The following HCFC2 variants were observed in gnomAD, a reference collection of about 807,000 sequenced individuals.
HCFC2 encodes the protein host cell factor 2.
Under a neutral mutation model 89.2 loss-of-function variants are expected in HCFC2, and 18 were observed. That is an observed-to-expected ratio of 0.20 (90% confidence interval 0.14 to 0.30). HCFC2 has a LOEUF of 0.30. Ranked by LOEUF, HCFC2 falls within the 10% of genes least tolerant of loss-of-function variation. The pLI, the probability that HCFC2 is intolerant of heterozygous loss-of-function variation, is 1.00. For synonymous variants in HCFC2, 308 were observed against 335.7 expected, an observed-to-expected ratio of 0.92 and a Z score of 0.90; for missense variants, 578 against 956.1, an observed-to-expected ratio of 0.60 and a Z score of 5.21.
chr12:104,076,960 A>G (rs916681775), intron 3 of HCFC2, among the ~76,000 whole-genome samples: 4 of 151,984 alleles, frequency 2.6e-5, no homozygotes, highest in Non-Finnish European at 4.4e-5. Context: ...TTGCATATGT[A>G]TATGTATATG....
At chr12:104,069,309 A>C (rs1287800516) in intron 3 of HCFC2, among the ~76,000 whole-genome samples, 6 of 152,170 alleles carry the variant, frequency 3.9e-5, no homozygotes, top group Non-Finnish European at 8.8e-5. Context: ...TTATCTTAAA[A>C]AAACAAACAA....
Position 104,102,173 on chromosome 12 carries a change from C to T in HCFC2, c.2064+20C>T, listed in dbSNP as rs564279512. The T allele has an allele frequency of 1.8e-5, 28 of 1,592,674 alleles. No individual in the cohort carries two copies. In the East Asian group the frequency reaches 5.6e-4, roughly 32 times the overall value. ...TCAAAGGTGAGACATCGGGTCAAGA[C>T]TTGTTGGTGATTTTAAATTATTTGA... On this transcript the variant is annotated intron_variant, in intron 14 of 14. Transcript: ENST00000229330.
At chr12:104,071,846 G>A (rs754500847) in intron 3 of HCFC2, among the ~76,000 whole-genome samples, 5 of 151,906 alleles carry the variant, frequency 3.3e-5, no homozygotes, top group African/African-American at 4.8e-5. Context: ...TTTTATTGTC[G>A]CCATCCTAGC....
intron 10 of HCFC2, among the ~76,000 whole-genome samples, chr12:104,093,987 A>G (rs961054560): frequency 1.3e-5 from 2 of 152,150 alleles, no homozygotes; most frequent in African/African-American, 4.8e-5. Context: ...GGTTTCATCT[A>G]TTAGACTTGA....
intron 14 of HCFC2, 128 bp from the exon 15 acceptor site, chr12:104,102,831 A>G: frequency 2.6e-6 from 2 of 757,712 alleles, no homozygotes; most frequent in East Asian, 2.8e-5. Flanking sequence ...ACAATAAAAG[A>G]TGTAACATCT....
intron 3 of HCFC2, among the ~76,000 whole-genome samples, chr12:104,077,797 G>A (rs1883551842): frequency 6.6e-6 from 1 of 151,460 alleles, no homozygotes; most frequent in South Asian, 2.1e-4. Context: ...ACATTCTTTT[G>A]CCTACCTCCT....
At chr12:104,088,615 C>A (rs902913141) in intron 9 of HCFC2, among the ~76,000 whole-genome samples, 2 of 152,100 alleles carry the variant, frequency 1.3e-5, no homozygotes, top group African/African-American at 2.4e-5. Context: ...TGCCATCTAC[C>A]TCAGTAGACT....
chr12:104,085,009 T>C (rs1417091590), intron 7 of HCFC2, among the ~76,000 whole-genome samples: 1 of 152,174 alleles, frequency 6.6e-6, no homozygotes, highest in Non-Finnish European at 1.5e-5. Context: ...TTTGAATGAA[T>C]AGATGAATCT....
intron 7 of HCFC2, among the ~76,000 whole-genome samples, chr12:104,084,649 C>T (rs1489849890): frequency 1.3e-5 from 2 of 152,172 alleles, no homozygotes; most frequent in African/African-American, 2.4e-5. Flanking sequence ...AGATGTGACA[C>T]ATTCTGATGT....
rs1051062475 is a variant in HCFC2 at position 104,066,934 on chromosome 12, C to T, written c.312+619C>T. Among the ~76,000 whole-genome samples, 4 of 152,172 alleles carry T rather than the reference C, an allele frequency of 2.6e-5. No individual in the cohort carries two copies. The South Asian group carries it at 8.3e-4, about 31-fold the overall frequency. ...TCCTGAGTAGCTGTGACTACAGGCA[C>T]GCGCCACCATGCCCAGCTAATTTTT... On this transcript the variant is annotated intron_variant, in intron 2 of 14. Transcript: ENST00000229330.
chr12:104,072,677 C>G (rs1390685759), intron 3 of HCFC2, among the ~76,000 whole-genome samples: 5 of 151,314 alleles, frequency 3.3e-5, no homozygotes, highest in East Asian at 3.9e-4. Flanking sequence ...GAGTCTCGCT[C>G]TGTCGCCCAG....
intron 3 of HCFC2, among the ~76,000 whole-genome samples, chr12:104,070,689 C>CT (rs1223542145): frequency 4.0e-5 from 6 of 151,700 alleles, no homozygotes; most frequent in East Asian, 3.9e-4. Context: ...AGGATCTTAA[C>CT]TTTTTTTCCA....
At position 104,096,420 on chromosome 12, in the gene HCFC2, C is replaced by T. The variant is rs2136626561; in HGVS notation, c.1727C>T (p.Ala576Val). Reference sequence around the variant, plus strand: ...AGCCGTGTAGAGACACATGCTACAGCAACGCCGTTTTCTGTAAGTACATGA... The same window carrying T: ...AGCCGTGTAGAGACACATGCTACAGTAACGCCGTTTTCTGTAAGTACATGA... Reference protein sequence around the residue: ...KISRVETHATATPFSKETPSN... With the variant: ...KISRVETHATVTPFSKETPSN... The change falls in exon 12 of 15, where the codon GCA becomes GTA. Residue 576 changes from alanine to valine, a missense_variant. Physicochemically the swap from Ala to Val is moderately conservative, Grantham distance 64. This residue lies in a region of HCFC2 where 140 missense variants were observed against 266.4 expected (regional missense o/e 0.53). Transcript: ENST00000229330. 6.2e-7 allele frequency: 1 copy of T among 1,606,882 alleles called. No individual in the cohort carries two copies. Among genetic ancestry groups the T allele is most frequent in the East Asian group, 2.2e-5 (1 of 44,844 alleles).
At chr12:104,096,246 T>C in intron 11 of HCFC2, 114 bp from the exon 12 acceptor site, 1 of 606,458 alleles carries the variant, frequency 1.6e-6, no homozygotes. Context: ...AAATTTGCTG[T>C]CTTAGCCATT....
At chr12:104,100,441 G>A (rs1263123586) in intron 13 of HCFC2, among the ~76,000 whole-genome samples, 1 of 152,060 alleles carries the variant, frequency 6.6e-6, no homozygotes, top group Non-Finnish European at 1.5e-5. Flanking sequence ...TTCTGGGCAA[G>A]GTACGTGCCT....
rs764349302 is a variant in HCFC2 at position 104,082,475 on chromosome 12, A to T, written c.768-25A>T. The T allele has an allele frequency of 2.9e-6, 4 of 1,389,478 alleles. No homozygotes were observed. In the East Asian group the frequency reaches 6.8e-5, roughly 24 times the overall value. The allele number at this position is 1,389,478 out of a possible 1,614,324, so 86.1% of individuals were successfully genotyped here. A position where few individuals can be genotyped will look rare whatever the true frequency, so the allele number is the denominator to read the frequency against. On this transcript the variant is annotated intron_variant, in intron 5 of 14. Coordinates refer to ENST00000229330, the MANE Select transcript of HCFC2 (RefSeq NM_013320.3). ...GAAGTAAAATGAAATAAGCTACTTT[A>T]TGTTTTTGTTTTGTTGTTGCTCAGG...
In HCFC2 at chr12:104,064,940, C is replaced by G. The variant is rs1473924828; in HGVS notation, c.163+217C>G. On this transcript the variant is annotated intron_variant, in intron 1 of 14. Coordinates refer to ENST00000229330, the MANE Select transcript of HCFC2 (RefSeq NM_013320.3). This position sits in a 1 kb window ranked among gnomAD's most constrained non-coding sequence, Gnocchi z 7.3. Reference sequence around the variant, plus strand: ...GGGGCCCTTGGGGCGCAACGGACCCCGAGCGGGGCGCACCGGCCTTCAGGC... The same window carrying G: ...GGGGCCCTTGGGGCGCAACGGACCCGGAGCGGGGCGCACCGGCCTTCAGGC... 1 of 404,776 alleles carries G rather than the reference C, an allele frequency of 2.5e-6. No homozygotes were observed. Among genetic ancestry groups the G allele is most frequent in the Non-Finnish European group, 4.3e-6 (1 of 232,294 alleles). 25.1% of individuals were successfully genotyped at this position (404,776 alleles called of 1,614,324 possible). A position where few individuals can be genotyped will look rare whatever the true frequency, so the allele number is the denominator to read the frequency against.
At chr12:104,076,124 G>A (rs1165555947) in intron 3 of HCFC2, among the ~76,000 whole-genome samples, 2 of 152,144 alleles carry the variant, frequency 1.3e-5, no homozygotes, top group African/African-American at 2.4e-5. Context: ...AAGGTTCTTT[G>A]TCTATTAAAT....
chr12:104,100,464 A>T (rs572663573), intron 13 of HCFC2, among the ~76,000 whole-genome samples: 7 of 151,962 alleles, frequency 4.6e-5, no homozygotes, highest in African/African-American at 1.7e-4. Flanking sequence ...GCTCCCAACT[A>T]CTTGGGAGGC....
Sources: gnomAD v4.1 joint callset for allele counts (sites outside exome capture counted in the v4.1 genomes callset) on GRCh38, gnomAD v4.1.1 for gene constraint, gnomAD v4.1.1 regional missense constraint, Gnocchi (gnomAD v3.1) non-coding constraint, MANE v1.5 for transcripts, NCBI Gene and HGNC (gene_info 2026-07-23, HGNC 2026-07-21) for gene names.